The following MRPL45 variants were observed in gnomAD, a reference collection of about 807,000 sequenced individuals.
The protein encoded by MRPL45 is large ribosomal subunit protein mL45.
A neutral mutation model predicts 38.1 loss-of-function variants in MRPL45; 20 were observed. The observed-to-expected ratio is 0.53, with a 90% CI of 0.37 to 0.76. The LOEUF is 0.76. MRPL45 is among the 30% of genes least tolerant of loss of function. MRPL45 has a pLI of 0.00. For synonymous variants in MRPL45, 105 were observed against 128.8 expected (o/e 0.82, Z 1.25); for missense variants, 337 against 395.6 (o/e 0.85, Z 1.26).
intron 3 of MRPL45, among the ~76,000 whole-genome samples, chr17:38,301,234 C>T (rs929356581): frequency 1.3e-5 from 2 of 152,014 alleles, no homozygotes; most frequent in Admixed American, 1.3e-4. Flanking sequence ...TTTTTCCCCT[C>T]CTACTTTTTT....
At chr17:38,302,606 T>C (rs1020394426) in intron 3 of MRPL45, among the ~76,000 whole-genome samples, 3 of 150,976 alleles carry the variant, frequency 2.0e-5, no homozygotes, top group African/African-American at 7.3e-5. Context: ...GCTTTGAGGT[T>C]AAAAGAGTAT....
chr17:38,299,144 T>C (rs1241705999), intron 2 of MRPL45, among the ~76,000 whole-genome samples: 1 of 152,152 alleles, frequency 6.6e-6, no homozygotes, highest in Non-Finnish European at 1.5e-5. Flanking sequence ...CGCCTCGGCC[T>C]CCCAAAGTAC....
chr17:38,318,206 C>CAAAA (rs1163303123), intron 4 of MRPL45, among the ~76,000 whole-genome samples: 2 of 57,680 alleles, frequency 3.5e-5, no homozygotes, highest in African/African-American at 1.2e-4. Context: ...GACTCTGTCT[C>CAAAA]AAAAAAAAAA....
chr17:38,304,840 C>T (rs2144209517), intron 3 of MRPL45, among the ~76,000 whole-genome samples: 1 of 116,224 alleles, frequency 8.6e-6, no homozygotes, highest in East Asian at 3.0e-4. Flanking sequence ...CTGCGCCCGG[C>T]CGTAACTTCC....
intron 4 of MRPL45, among the ~76,000 whole-genome samples, chr17:38,316,723 G>A (rs1340972201): frequency 7.2e-6 from 1 of 138,962 alleles, no homozygotes; most frequent in Admixed American, 7.2e-5. Flanking sequence ...AGGCTGGAGG[G>A]CAGTGGTGCA....
At chr17:38,301,109 T>G (rs954658208) in intron 3 of MRPL45, among the ~76,000 whole-genome samples, 27 of 152,210 alleles carry the variant, frequency 1.8e-4, no homozygotes, top group Non-Finnish European at 2.9e-4. Flanking sequence ...TTCTTTGTCC[T>G]TATTCCATTT....
At chr17:38,310,440 C>T (rs868737380) in intron 4 of MRPL45, among the ~76,000 whole-genome samples, 1 of 151,806 alleles carries the variant, frequency 6.6e-6, no homozygotes, top group African/African-American at 2.4e-5. Flanking sequence ...GGAATTCTCC[C>T]TTCTCAGTCC....
intron 4 of MRPL45, among the ~76,000 whole-genome samples, chr17:38,310,664 C>A (rs1316623331): frequency 9.9e-5 from 15 of 152,138 alleles, no homozygotes; most frequent in Non-Finnish European, 1.9e-4. Flanking sequence ...CTTGCGCTGT[C>A]ACTCAGGCTA....
chr17:38,301,847 G>T lies in MRPL45; in HGVS notation c.362+2379G>T, dbSNP rs1450087705. On this transcript the variant is annotated intron_variant, in intron 3 of 7. Transcript: ENST00000613675. ...CAGGGAAAGATAATGGCCGGGCGAG[G>T]TGGCTCACGCCTGTAATCCCAGCGC... 2.0e-5 allele frequency among the ~76,000 whole-genome samples: 3 copies of T among 152,170 alleles called. No individual in the cohort carries two copies. The East Asian group carries it at 5.8e-4, about 29-fold the overall frequency.
chr17:38,317,600 C>T (rs892510887), intron 4 of MRPL45, among the ~76,000 whole-genome samples: 3 of 151,628 alleles, frequency 2.0e-5, no homozygotes, highest in African/African-American at 7.3e-5. Flanking sequence ...GAGACGGAAT[C>T]TCGCTCTGTC....
At chr17:38,310,972 T>A (rs1005728986) in intron 4 of MRPL45, among the ~76,000 whole-genome samples, 3 of 152,182 alleles carry the variant, frequency 2.0e-5, no homozygotes, top group Non-Finnish European at 4.4e-5. Context: ...TCATTTATTT[T>A]AAAAATTATA....
intron 4 of MRPL45, among the ~76,000 whole-genome samples, chr17:38,316,901 G>A (rs1011656649): frequency 1.3e-5 from 2 of 151,966 alleles, no homozygotes; most frequent in Non-Finnish European, 1.5e-5. Flanking sequence ...AGGTTCAAGC[G>A]ATTCTCCTGC....
chr17:38,313,971 T>C (rs2037150672), intron 4 of MRPL45, among the ~76,000 whole-genome samples: 1 of 151,440 alleles, frequency 6.6e-6, no homozygotes, highest in Non-Finnish European at 1.5e-5. Flanking sequence ...CCCAGAAAGG[T>C]CTATTTTTAA....
At position 38,309,622 on chromosome 17, in the gene MRPL45, T is replaced by A. The variant is rs201663282; in HGVS notation, c.461+2991T>A. 3.7e-3 allele frequency among the ~76,000 whole-genome samples: 548 copies of A among 149,614 alleles called. 4 individuals carry two copies. Among genetic ancestry groups the A allele is most frequent in the African/African-American group, 0.013 (523 of 40,762 alleles). ...ATCTGTCTTCTTAAATTTTTATTTT[T>A]ATTTTTTAGTTTTTTTTGTAGAGAC... On this transcript the variant is annotated intron_variant, in intron 4 of 7. Transcript: ENST00000613675.
At chr17:38,311,709 C>A (rs1317245117) in intron 4 of MRPL45, among the ~76,000 whole-genome samples, 20 of 149,822 alleles carry the variant, frequency 1.3e-4, no homozygotes, top group African/African-American at 4.2e-4. Context: ...AAAAAAGAGA[C>A]CTGAGGGAGC....
At chr17:38,301,175 G>A (rs1278004773) in intron 3 of MRPL45, among the ~76,000 whole-genome samples, 2 of 151,858 alleles carry the variant, frequency 1.3e-5, no homozygotes, top group African/African-American at 4.8e-5. Flanking sequence ...TGCCAGTACT[G>A]TACCATTCCT....
intron 3 of MRPL45, among the ~76,000 whole-genome samples, chr17:38,302,139 A>G (rs2037003163): frequency 9.0e-6 from 1 of 110,968 alleles, no homozygotes; most frequent in Admixed American, 9.7e-5. Flanking sequence ...AAAAAAAAAG[A>G]TAACTTGGTC....
intron 6 of MRPL45, 53 bp from the exon 7 acceptor site, chr17:38,322,073 C>A: frequency 6.5e-7 from 1 of 1,549,086 alleles, no homozygotes; most frequent in Non-Finnish European, 8.8e-7. Context: ...ACAAACAACT[C>A]ACACTCACAC....
At chr17:38,300,143 C>T (rs565393140) in intron 3 of MRPL45, among the ~76,000 whole-genome samples, 15 of 151,860 alleles carry the variant, frequency 9.9e-5, no homozygotes, top group Non-Finnish European at 1.8e-4. Flanking sequence ...CTCAGCCTCC[C>T]GAGTAGCTGG....
Sources: gnomAD v4.1 joint callset for allele counts (sites outside exome capture counted in the v4.1 genomes callset) on GRCh38, gnomAD v4.1.1 for gene constraint, MANE v1.5 for transcripts, NCBI Gene and HGNC (gene_info 2026-07-23, HGNC 2026-07-21) for gene names.